CHST4: variants seen among roughly 807,000 people sequenced by gnomAD.
The protein encoded by CHST4 is GST-3.
For missense variants in CHST4, 466 were observed against 506.0 expected, an observed-to-expected ratio of 0.92 and a Z score of 0.76; for synonymous variants, 171 against 195.5, an observed-to-expected ratio of 0.87 and a Z score of 1.05.
In CHST4 at chr16:71,537,770, G is replaced by C; in HGVS notation, c.1093G>C (p.Glu365Gln). ...NLLGYRHVRS[E>Q]QEQRNLLLDL... ...GCTGGGCTACCGCCACGTCAGATCT[G>C]AACAAGAACAGAGAAACCTGTTGCT... Residue 365 changes from glutamate to glutamine, a missense_variant, in exon 2 of 2, where the codon GAA becomes CAA. Physicochemically the swap from Glu to Gln is conservative, Grantham distance 29. Coordinates refer to ENST00000539698, the MANE Select transcript of CHST4 (RefSeq NM_001166395.2). The surrounding 1 kb of genome is among the most constrained non-coding windows in gnomAD (Gnocchi z 4.2). 1 of 1,614,236 alleles carries C rather than the reference G, an allele frequency of 6.2e-7. No individual in the cohort carries two copies.
chr16:71,529,543 ATTTTTTTTTTTTT>A (rs1157747412), intron 1 of CHST4, among the ~76,000 whole-genome samples: 111 of 41,370 alleles, frequency 2.7e-3, no homozygotes, highest in African/African-American at 6.8e-3. Flanking sequence ...ATGCTCATCT[ATTTTTTTTTTTTT>A]TTTTTTTTTT....
Position 71,528,372 on chromosome 16 carries a change from T to C in CHST4, c.-19+1877T>C, listed in dbSNP as rs16943790. ...TCAATCTTCCTTTCTGGGTCTCATA[T>C]AGTAAAAAAAAAAACACTGTACAAA... On this transcript the variant is annotated intron_variant, in intron 1 of 1. Transcript: ENST00000539698. Among the ~76,000 whole-genome samples, 799 of 151,884 alleles carry C rather than the reference T, an allele frequency of 5.3e-3. 10 individuals are homozygous for C. Among genetic ancestry groups the C allele is most frequent in the African/African-American group, 0.019 (774 of 41,430 alleles).
In CHST4 at chr16:71,537,761, G is replaced by A. The variant is rs781448651; in HGVS notation, c.1084G>A (p.Val362Ile). ...CATGAATTTGCTGGGCTACCGCCAC[G>A]TCAGATCTGAACAAGAACAGAGAAA... ...DAMNLLGYRH[V>I]RSEQEQRNLL... The change falls in exon 2 of 2, where the codon GTC (valine) becomes ATC (isoleucine). Residue 362 changes from valine (V) to isoleucine (I), a missense_variant. Transcript: ENST00000539698. The surrounding 1 kb of genome is among the most constrained non-coding windows in gnomAD (Gnocchi z 4.2). The A allele has an allele frequency of 6.2e-6, 10 of 1,614,228 alleles. No homozygotes were observed. Among genetic ancestry groups the A allele is most frequent in the Admixed American group, 5.0e-5 (3 of 60,028 alleles).
intron 1 of CHST4, among the ~76,000 whole-genome samples, chr16:71,535,311 T>C (rs1224158478): frequency 1.3e-5 from 2 of 152,190 alleles, no homozygotes; most frequent in Non-Finnish European, 2.9e-5. Context: ...TAGCTGGGAC[T>C]ATAGGCGTGT....
Position 71,537,136 on chromosome 16 carries a change from G to GCTC in CHST4, c.462_464dup (p.Leu155dup). On this transcript the variant is annotated inframe_insertion, in exon 2 of 2. Transcript: ENST00000539698. This position sits in a 1 kb window ranked among gnomAD's most constrained non-coding sequence, Gnocchi z 4.2. ...AAATCATCCCCCGGGCTCACTGCAG[G>GCTC]CTCCTGTGCAGTCAACAGCCCTTTG... 6.2e-7 allele frequency: 1 copy of GCTC among 1,614,120 alleles called. No individual in the cohort carries two copies. The highest frequency in any genetic ancestry group is 8.5e-7 in the Non-Finnish European group (1 of 1,180,018).
chr16:71,538,627 A>G lies in CHST4; in HGVS notation c.*789A>G, dbSNP rs1163001017. On this transcript the variant is annotated 3_prime_UTR_variant, in exon 2 of 2. Transcript: ENST00000539698. ...ATCATCTTTATTGGTTTTTTAAAAC[A>G]CCTTTGCTATTATCTATCACCCATT... 6.0e-6 allele frequency: 1 copy of G among 166,172 alleles called. No homozygotes were observed. The highest frequency in any genetic ancestry group is 1.9e-4 in the East Asian group (1 of 5,206). The allele number at this position is 166,172 out of a possible 1,614,324, so 10.3% of individuals were successfully genotyped here.
At position 71,537,975 on chromosome 16, in the gene CHST4, G is replaced by A. The variant is rs779439820; in HGVS notation, c.*137G>A. The A allele has an allele frequency of 3.2e-5, 25 of 778,402 alleles. 1 individual carries two copies. The highest frequency in any genetic ancestry group is 4.1e-5 in the Non-Finnish European group (20 of 484,240). 48.2% of individuals were successfully genotyped at this position (778,402 alleles called of 1,614,324 possible). On this transcript the variant is annotated 3_prime_UTR_variant, in exon 2 of 2. Transcript: ENST00000539698. This position sits in a 1 kb window ranked among gnomAD's most constrained non-coding sequence, Gnocchi z 4.2. ...CACTGAGTGTGAGTTGTGTCCACAC[G>A]TGCTCAAGCAGAAGGACTTTTGTGT...
At chr16:71,536,599 G>GTCGCCGTATC in intron 1 of CHST4, 61 bp from the exon 2 acceptor site, 1 of 1,276,126 alleles carries the variant, frequency 7.8e-7, no homozygotes. Flanking sequence ...GCCAGAAGGG[G>GTCGCCGTATC]AATAGAAGGC....
chr16:71,533,426 C>CA (rs11299179), intron 1 of CHST4, among the ~76,000 whole-genome samples: 163 of 98,332 alleles, frequency 1.7e-3, no homozygotes, highest in East Asian at 8.8e-3. Context: ...GACTCTGTCT[C>CA]AAAAAAAAAA....
At chr16:71,532,238 G>A (rs552493621) in intron 1 of CHST4, among the ~76,000 whole-genome samples, 24 of 151,964 alleles carry the variant, frequency 1.6e-4, no homozygotes, top group Non-Finnish European at 2.6e-4. Context: ...TAGTAGAGAC[G>A]GGGTTTCACC....
rs2043908480 is a variant in CHST4, at chr16:71,526,446, C to T, written c.-68C>T. 1 of 152,502 alleles carries T rather than the reference C, an allele frequency of 6.6e-6. No individual in the cohort carries two copies. Among genetic ancestry groups the T allele is most frequent in the East Asian group, 1.9e-4 (1 of 5,184 alleles). The allele number at this position is 152,502 out of a possible 1,614,324, so 9.4% of individuals were successfully genotyped here. ...GAGTCAGAGGAGAAAAGCGCATGGC[C>T]CGGCTAGCAGTGAGCCTCTCAAAAG... is the stretch of plus-strand genomic sequence containing the variant. On this transcript the variant is annotated 5_prime_UTR_variant, in exon 1 of 2. Transcript: ENST00000539698.
At chr16:71,535,678 G>C (rs2043981943) in intron 1 of CHST4, among the ~76,000 whole-genome samples, 1 of 152,156 alleles carries the variant, frequency 6.6e-6, no homozygotes, top group Non-Finnish European at 1.5e-5. Context: ...TGGGCCACAA[G>C]TGTCCCCAGT....
At chr16:71,527,463 C>T in intron 1 of CHST4, among the ~76,000 whole-genome samples, 1 of 152,140 alleles carries the variant, frequency 6.6e-6, no homozygotes, top group Non-Finnish European at 1.5e-5. Flanking sequence ...AGAAATACAT[C>T]TAGCCAGGCG....
chr16:71,534,860 A>ACACCTTACT (rs1410887678), intron 1 of CHST4, among the ~76,000 whole-genome samples: 6 of 152,194 alleles, frequency 3.9e-5, no homozygotes, highest in Non-Finnish European at 5.9e-5. Flanking sequence ...ATACAAATGA[A>ACACCTTACT]CACCTTACTA....
chr16:71,527,598 A>C (rs2043917859), intron 1 of CHST4, among the ~76,000 whole-genome samples: 1 of 152,100 alleles, frequency 6.6e-6, no homozygotes, highest in African/African-American at 2.4e-5. Flanking sequence ...AATACCAAAA[A>C]AATTAGCTGG....
In CHST4 at chr16:71,537,349, C is replaced by T. The variant is rs150664077; in HGVS notation, c.672C>T (p.Asp224=). The T allele has an allele frequency of 6.2e-5, 100 of 1,614,178 alleles. No homozygotes were observed. In the African/African-American group the frequency reaches 9.6e-4, roughly 15 times the overall value. ...GCACAAAGGGAGATCTCATGATTGA[C>T]AGTCGCATTGTGATGGGGCAGCATG... ...RERTKGDLMI[D]SRIVMGQHEQ... Residue 224 remains aspartate, a synonymous_variant, in exon 2 of 2, where the codon GAC becomes GAT. Transcript: ENST00000539698. This position sits in a 1 kb window ranked among gnomAD's most constrained non-coding sequence, Gnocchi z 4.2.
intron 1 of CHST4, among the ~76,000 whole-genome samples, chr16:71,536,375 T>C (rs1242039853): frequency 6.6e-6 from 1 of 152,166 alleles, no homozygotes; most frequent in Non-Finnish European, 1.5e-5. Context: ...TTAAATATGG[T>C]TGAGTTCAGA....
intron 1 of CHST4, among the ~76,000 whole-genome samples, chr16:71,532,858 G>A (rs2043958526): frequency 6.6e-6 from 1 of 152,144 alleles, no homozygotes; most frequent in African/African-American, 2.4e-5. Flanking sequence ...CAACTCATAA[G>A]CCCATCCATC....
chr16:71,537,951 A>AGG lies in CHST4; in HGVS notation c.*113_*114insGG, dbSNP rs2044005854. On this transcript the variant is annotated 3_prime_UTR_variant, in exon 2 of 2. Coordinates refer to ENST00000539698, the MANE Select transcript of CHST4 (RefSeq NM_001166395.2). The surrounding 1 kb of genome is among the most constrained non-coding windows in gnomAD (Gnocchi z 4.2). ...TTAACTACATGTCTGTGGGTATCAC[A>AGG]CTGAGTGTGAGTTGTGTCCACACGT... 1 of 981,740 alleles carries AGG rather than the reference A, an allele frequency of 1.0e-6. No homozygotes were observed. Among genetic ancestry groups the AGG allele is most frequent in the African/African-American group, 1.6e-5 (1 of 60,890 alleles). 60.8% of individuals were successfully genotyped at this position (981,740 alleles called of 1,614,324 possible).
Sources: gnomAD v4.1 joint callset for allele counts (sites outside exome capture counted in the v4.1 genomes callset) on GRCh38, gnomAD v4.1.1 for gene constraint, Gnocchi (gnomAD v3.1) non-coding constraint, MANE v1.5 for transcripts, NCBI Gene and HGNC (gene_info 2026-07-23, HGNC 2026-07-21) for gene names.